The following NCAPG2 variants were observed in gnomAD, a reference collection of about 807,000 sequenced individuals.
The protein encoded by NCAPG2 is non-SMC condensin II complex subunit G2, also known as condensin-2 complex subunit G2.
A neutral mutation model predicts 141.1 loss-of-function variants in NCAPG2; 53 were observed. The ratio of observed to expected loss-of-function variants is 0.38; its 90% confidence interval spans 0.30 to 0.47. NCAPG2 has a LOEUF of 0.47. Among genes scored for constraint, NCAPG2 ranks in the 20% least tolerant of loss-of-function variants. The pLI is 0.99. For synonymous variants in NCAPG2, 499 were observed against 490.7 expected (o/e 1.02, Z -0.22); for missense variants, 1,087 against 1,389.0 (o/e 0.78, Z 3.46).
At position 158,641,444 on chromosome 7, in the gene NCAPG2, G is replaced by C. The variant is rs1409615477; in HGVS notation, c.3380+2845C>G. On this transcript the variant is annotated intron_variant, in intron 27 of 27. Coordinates refer to ENST00000356309, the MANE Select transcript of NCAPG2 (RefSeq NM_017760.7). ...GATAGAAATTACATTAGCTGGGTCTGGTGGTGTGTGCCTGCAGTCCTAGCC... is the reference window on the plus strand; with the variant it reads ...GATAGAAATTACATTAGCTGGGTCTCGTGGTGTGTGCCTGCAGTCCTAGCC... The C allele has an allele frequency of 6.6e-6, 4 of 605,094 alleles. No individual in the cohort carries two copies. The East Asian group carries it at 1.2e-4, about 18-fold the overall frequency. 37.5% of individuals were successfully genotyped at this position (605,094 alleles called of 1,614,324 possible).
chr7:158,666,871 C>G (rs1014441380), intron 13 of NCAPG2, among the ~76,000 whole-genome samples: 3 of 152,144 alleles, frequency 2.0e-5, no homozygotes, highest in African/African-American at 7.2e-5. Context: ...CCACAGCTGA[C>G]AAAGGAAACA....
intron 13 of NCAPG2, among the ~76,000 whole-genome samples, chr7:158,667,490 C>T (rs1410662634): frequency 3.5e-5 from 4 of 113,858 alleles, no homozygotes; most frequent in African/African-American, 6.3e-5. Context: ...GGTCCCTCCG[C>T]CCGCCTTACC....
chr7:158,641,150 G>A (rs1487103962), intron 27 of NCAPG2: 4 of 204,914 alleles, frequency 2.0e-5, no homozygotes, highest in African/African-American at 9.3e-5. Flanking sequence ...TAACTGATAT[G>A]CTAGGAAAGA....
In NCAPG2 at chr7:158,655,371, G is replaced by A. The variant is rs1161582786; in HGVS notation, c.2473C>T (p.His825Tyr). Reference protein sequence around the residue: ...EAAAPRAFGLHCRLSIHLQHK... With the variant: ...EAAAPRAFGLYCRLSIHLQHK... ...TGAAGATGGATGCTCAGGCGACAGTGGAGACCAAAGGCTCGCGGGGCAGCT... is the reference window on the plus strand; with the variant it reads ...TGAAGATGGATGCTCAGGCGACAGTAGAGACCAAAGGCTCGCGGGGCAGCT... Residue 825 changes from histidine (H) to tyrosine (Y), a missense_variant, in exon 20 of 28, where the codon CAC becomes TAC. His to Tyr is a moderately conservative substitution (Grantham distance 83). Transcript: ENST00000356309. 1.2e-6 allele frequency: 2 copies of A among 1,614,082 alleles called. No homozygotes were observed. Among genetic ancestry groups the A allele is most frequent in the African/African-American group, 1.3e-5 (1 of 74,930 alleles).
intron 9 of NCAPG2, 87 bp downstream of exon 9, chr7:158,683,213 G>A: frequency 8.6e-7 from 1 of 1,160,376 alleles, no homozygotes; most frequent in East Asian, 2.7e-5. Flanking sequence ...GTCTGTGAAA[G>A]CTTAATTTTA....
chr7:158,680,164 A>C, intron 10 of NCAPG2, 79 bp from the exon 11 acceptor site: 1 of 1,407,134 alleles, frequency 7.1e-7, no homozygotes, highest in South Asian at 1.3e-5. Context: ...TCCCAAAGTA[A>C]CACTTTAATT....
intron 16 of NCAPG2, among the ~76,000 whole-genome samples, chr7:158,660,924 T>C (rs1436772038): frequency 6.6e-6 from 1 of 152,176 alleles, no homozygotes; most frequent in East Asian, 1.9e-4. Flanking sequence ...CCCTTTGTGC[T>C]TGGCTCTCAT....
chr7:158,669,623 G>A (rs568083367), intron 13 of NCAPG2, among the ~76,000 whole-genome samples: 41 of 151,602 alleles, frequency 2.7e-4, no homozygotes, highest in African/African-American at 9.4e-4. Flanking sequence ...AAAAAAATTC[G>A]CCGGGCATGG....
intron 23 of NCAPG2, 58 bp from the exon 24 acceptor site, chr7:158,651,030 C>A (rs1831453017): frequency 2.0e-6 from 3 of 1,482,874 alleles, no homozygotes; most frequent in East Asian, 2.4e-5. Context: ...TTGAAAAAAA[C>A]AAAAAAACAC....
chr7:158,667,257 AC>A (rs1468567690), intron 13 of NCAPG2: 1 of 980,696 alleles, frequency 1.0e-6, no homozygotes, highest in South Asian at 4.7e-5. Flanking sequence ...TGGGCCAGAG[AC>A]CCTGTGTCCC....
chr7:158,656,130 T>C, intron 19 of NCAPG2, 130 bp downstream of exon 19: 2 of 1,204,572 alleles, frequency 1.7e-6, no homozygotes, highest in South Asian at 3.0e-5. Flanking sequence ...CTGAATGAGG[T>C]GACATGATCA....
intron 2 of NCAPG2, chr7:158,696,733 C>T (rs969930774): frequency 6.6e-6 from 1 of 152,264 alleles, no homozygotes; most frequent in Non-Finnish European, 1.5e-5. Context: ...CCACCCTCCT[C>T]CTCCTAAGTC....
At chr7:158,659,692 T>C (rs984795541) in intron 16 of NCAPG2, among the ~76,000 whole-genome samples, 1 of 152,098 alleles carries the variant, frequency 6.6e-6, no homozygotes, top group Non-Finnish European at 1.5e-5. Flanking sequence ...AAAATAATGA[T>C]AATAATAATA....
chr7:158,701,818 T>C lies in NCAPG2; in HGVS notation c.78+4A>G. ...TCACAACAAAACTAAAACATGAAAC[T>C]TACATCAAGTTGAACAAATTGCAAA... On this transcript the variant is annotated splice_donor_region_variant and intron_variant, in intron 2 of 27. Coordinates refer to ENST00000356309, the MANE Select transcript of NCAPG2 (RefSeq NM_017760.7). 1 of 1,610,964 alleles carries C rather than the reference T, an allele frequency of 6.2e-7. No homozygotes were observed. Among genetic ancestry groups the C allele is most frequent in the Non-Finnish European group, 8.5e-7 (1 of 1,177,840 alleles).
chr7:158,690,147 A>AT (rs1310221659), intron 5 of NCAPG2, among the ~76,000 whole-genome samples, 194 bp from the exon 6 acceptor site: 2 of 152,224 alleles, frequency 1.3e-5, no homozygotes, highest in Non-Finnish European at 2.9e-5. Flanking sequence ...TTTTTAAAAC[A>AT]TAAGGAAAAT....
Position 158,631,566 on chromosome 7 carries a change from T to C in NCAPG2, c.*100A>G. 2 of 1,131,696 alleles carry C rather than the reference T, an allele frequency of 1.8e-6. No homozygotes were observed. The highest frequency in any genetic ancestry group is 2.6e-6 in the Non-Finnish European group (2 of 755,402). 70.1% of individuals were successfully genotyped at this position (1,131,696 alleles called of 1,614,324 possible). On this transcript the variant is annotated 3_prime_UTR_variant, in exon 28 of 28. Coordinates refer to ENST00000356309, the MANE Select transcript of NCAPG2 (RefSeq NM_017760.7). The stretch of plus-strand genomic sequence containing the variant: ...ACAAAAAAATCCCACCCTTTCCCTA[T>C]TATATGGGTTATTAACATTAAAAAC...
chr7:158,658,439 G>A (rs775237991), intron 16 of NCAPG2, 31 bp from the exon 17 acceptor site: 32 of 1,548,170 alleles, frequency 2.1e-5, no homozygotes, highest in African/African-American at 2.7e-5. Context: ...ACAAAACAAA[G>A]CATATGTAAG....
chr7:158,672,097 G>A (rs893046732), intron 12 of NCAPG2, among the ~76,000 whole-genome samples: 3 of 151,698 alleles, frequency 2.0e-5, no homozygotes, highest in Admixed American at 6.6e-5. Flanking sequence ...TGTGTGACTC[G>A]AACGCACTCT....
At chr7:158,699,450 G>A (rs1395715937) in intron 2 of NCAPG2, among the ~76,000 whole-genome samples, 1 of 152,194 alleles carries the variant, frequency 6.6e-6, no homozygotes, top group Non-Finnish European at 1.5e-5. Context: ...GAAATACCAG[G>A]TGAATGCAGA....
Sources: gnomAD v4.1 joint callset for allele counts (sites outside exome capture counted in the v4.1 genomes callset) on GRCh38, gnomAD v4.1.1 for gene constraint, MANE v1.5 for transcripts, NCBI Gene and HGNC (gene_info 2026-07-23, HGNC 2026-07-21) for gene names.